The following AP3B1 variants were observed in gnomAD, a reference collection of about 807,000 sequenced individuals.
The protein encoded by AP3B1 is adaptor related protein complex 3 subunit beta 1.
AP3B1 carries 61 observed loss-of-function variants against 132.5 expected under a neutral mutation model. That is an observed-to-expected ratio of 0.46 (90% CI 0.37 to 0.57). The LOEUF is 0.57. Among genes scored for constraint, AP3B1 ranks in the 20% least tolerant of loss-of-function variants. The probability of loss-of-function intolerance (pLI) is 0.00; values close to 1 mark genes in which losing one functional copy is unlikely to be tolerated. For missense variants in AP3B1, 1,120 were observed against 1,289.4 expected, an observed-to-expected ratio of 0.87 and a Z score of 2.01; for synonymous variants, 388 against 438.3, an observed-to-expected ratio of 0.89 and a Z score of 1.43.
intron 2 of AP3B1, among the ~76,000 whole-genome samples, chr5:78,261,516 A>C (rs546099313): frequency 6.6e-6 from 1 of 152,202 alleles, no homozygotes; most frequent in African/African-American, 2.4e-5. Flanking sequence ...CCCAGGCTGC[A>C]GTGCAATGGC....
At position 78,188,413 on chromosome 5, in the gene AP3B1, G is replaced by A. The variant is rs1744690794; in HGVS notation, c.787-6751C>T. On this transcript the variant is annotated intron_variant, in intron 7 of 26. Coordinates refer to ENST00000255194, the MANE Select transcript of AP3B1 (RefSeq NM_003664.5). ...AAACTAACAACCCCATTAAAAAGTGGGCAAATGGTATGAACAGACACTTCT... is the reference window on the plus strand; with the variant it reads ...AAACTAACAACCCCATTAAAAAGTGAGCAAATGGTATGAACAGACACTTCT... 2.0e-5 allele frequency among the ~76,000 whole-genome samples: 3 copies of A among 152,058 alleles called. No homozygotes were observed. In the South Asian group the frequency reaches 6.2e-4, roughly 31 times the overall value.
At chr5:78,148,769 CAT>C (rs1343282750) in intron 14 of AP3B1, among the ~76,000 whole-genome samples, 1 of 152,114 alleles carries the variant, frequency 6.6e-6, no homozygotes, top group Admixed American at 6.5e-5. Context: ...ACCTCATAAT[CAT>C]GTGTAAATAT....
At chr5:78,138,446 G>A (rs374541041) in intron 15 of AP3B1, among the ~76,000 whole-genome samples, 43 of 152,202 alleles carry the variant, frequency 2.8e-4, no homozygotes, top group African/African-American at 1.0e-3. Flanking sequence ...CAGCCTGGGC[G>A]ATAGAGGGAG....
At chr5:78,059,091 A>G (rs140765338) in intron 22 of AP3B1, among the ~76,000 whole-genome samples, 1 of 152,368 alleles carries the variant, frequency 6.6e-6, no homozygotes, top group East Asian at 1.9e-4. Flanking sequence ...ATTGGAGGTC[A>G]TTCTGGATTT....
At chr5:78,256,766 C>T (rs906379822) in intron 2 of AP3B1, among the ~76,000 whole-genome samples, 4 of 152,074 alleles carry the variant, frequency 2.6e-5, no homozygotes, top group African/African-American at 9.6e-5. Flanking sequence ...TGCAAAAATC[C>T]TCAACAAAAT....
At chr5:78,198,501 T>A (rs1745160200) in intron 7 of AP3B1, among the ~76,000 whole-genome samples, 1 of 152,126 alleles carries the variant, frequency 6.6e-6, no homozygotes, top group African/African-American at 2.4e-5. Flanking sequence ...GAAGCAAGCT[T>A]CTTAGAAGGG....
intron 7 of AP3B1, among the ~76,000 whole-genome samples, chr5:78,182,879 A>T (rs1271783916): frequency 6.6e-6 from 1 of 152,186 alleles, no homozygotes; most frequent in Non-Finnish European, 1.5e-5. Flanking sequence ...ATCTCTACCA[A>T]GAGGTAACAA....
chr5:78,264,082 CTA>C (rs1353743912), intron 2 of AP3B1, among the ~76,000 whole-genome samples: 4 of 152,090 alleles, frequency 2.6e-5, no homozygotes, highest in Non-Finnish European at 5.9e-5. Context: ...TGTAAGTACT[CTA>C]TGAGGTTCAC....
At chr5:78,097,480 C>T (rs1461636300) in intron 21 of AP3B1, among the ~76,000 whole-genome samples, 56 of 128,888 alleles carry the variant, frequency 4.3e-4, no homozygotes, top group African/African-American at 1.2e-3. Flanking sequence ...CCCCTCTGCC[C>T]GGCCAGCCGC....
chr5:78,096,185 AT>A (rs1561402302), intron 21 of AP3B1, among the ~76,000 whole-genome samples: 1 of 151,948 alleles, frequency 6.6e-6, no homozygotes, highest in Non-Finnish European at 1.5e-5. Context: ...TGGTTTTCGT[AT>A]TTTTTTGGTG....
intron 2 of AP3B1, among the ~76,000 whole-genome samples, chr5:78,259,028 G>A (rs1747966211): frequency 1.3e-5 from 2 of 151,974 alleles, no homozygotes; most frequent in Non-Finnish European, 2.9e-5. Flanking sequence ...ATGAGATCAG[G>A]AGATCGAGAC....
At chr5:78,067,985 G>C (rs529349833) in intron 22 of AP3B1, among the ~76,000 whole-genome samples, 1 of 151,922 alleles carries the variant, frequency 6.6e-6, no homozygotes, top group African/African-American at 2.4e-5. Flanking sequence ...CCAGGAGCTG[G>C]TTGTTTGAAA....
chr5:78,244,926 C>T (rs1362597774), intron 2 of AP3B1, among the ~76,000 whole-genome samples: 1 of 151,818 alleles, frequency 6.6e-6, no homozygotes, highest in Non-Finnish European at 1.5e-5. Context: ...ACCCAGGAGG[C>T]GAAGGTTATA....
At chr5:78,048,542 G>C (rs952684344) in intron 22 of AP3B1, among the ~76,000 whole-genome samples, 2 of 152,066 alleles carry the variant, frequency 1.3e-5, no homozygotes, top group African/African-American at 4.8e-5. Context: ...CTAGTAATTT[G>C]AGCCAGACTC....
intron 21 of AP3B1, among the ~76,000 whole-genome samples, chr5:78,091,629 A>G: frequency 6.6e-6 from 1 of 151,710 alleles, no homozygotes; most frequent in African/African-American, 2.4e-5. Flanking sequence ...AGATTTGAAT[A>G]AGAGGAAAGA....
chr5:78,119,482 G>C (rs1213724818), intron 17 of AP3B1, among the ~76,000 whole-genome samples: 1 of 152,160 alleles, frequency 6.6e-6, no homozygotes, highest in Non-Finnish European at 1.5e-5. Flanking sequence ...AACCAATGCA[G>C]AGAAGTCCTT....
At chr5:78,239,778 C>CAAAAAA (rs560151932) in intron 3 of AP3B1, among the ~76,000 whole-genome samples, 2 of 77,270 alleles carry the variant, frequency 2.6e-5, no homozygotes, top group Admixed American at 1.5e-4. Context: ...GACTCTGTCT[C>CAAAAAA]AAAAAAAAAA....
chr5:78,002,917 G>A lies in AP3B1; in HGVS notation c.3270C>T (p.Val1090=). The A allele has an allele frequency of 2.5e-6, 4 of 1,614,172 alleles. No homozygotes were observed. The highest frequency in any genetic ancestry group is 3.4e-6 in the Non-Finnish European group (4 of 1,180,026). The change falls in exon 27 of 27, where the codon GTC becomes GTT. Residue 1090 remains valine, a synonymous_variant. Transcript: ENST00000255194. ...GSVLLRELKP[V]LSQG is the part of the protein sequence containing the mutation. ...TGTAAGCAGGTTACCCCTGAGACAG[G>A]ACAGGCTTCAGTTCCCGCAGCAGAA...
intron 22 of AP3B1, among the ~76,000 whole-genome samples, chr5:78,084,538 A>AG (rs972027071): frequency 9.6e-5 from 14 of 146,436 alleles, no homozygotes; most frequent in African/African-American, 2.9e-4. Context: ...AAAAAAAAAA[A>AG]AAAAAAAAGA....
Sources: gnomAD v4.1 joint callset for allele counts (sites outside exome capture counted in the v4.1 genomes callset) on GRCh38, gnomAD v4.1.1 for gene constraint, MANE v1.5 for transcripts, NCBI Gene and HGNC (gene_info 2026-07-23, HGNC 2026-07-21) for gene names.